The following ULBP2 variants were observed in gnomAD, a reference collection of about 807,000 sequenced individuals.
ULBP2 encodes the protein UL16-binding protein 2.
In ULBP2, 21 loss-of-function variants were observed where a neutral mutation model predicts 23.6. The ratio of observed to expected loss-of-function variants is 0.89; its 90% CI spans 0.63 to 1.28. The LOEUF is 1.28. Among genes scored for constraint, ULBP2 ranks in the 50% most tolerant of loss-of-function variants. ULBP2 has a pLI of 0.00. For synonymous variants in ULBP2, 82 were observed against 112.8 expected, an observed-to-expected ratio of 0.73 and a Z score of 1.73; for missense variants, 251 against 306.0, an observed-to-expected ratio of 0.82 and a Z score of 1.34.
In ULBP2 at chr6:149,945,365, C is replaced by G; in HGVS notation, c.142C>G (p.Arg48Gly). 5 of 1,612,452 alleles carry G rather than the reference C, an allele frequency of 3.1e-6. No homozygotes were observed. The highest frequency in any genetic ancestry group is 1.1e-5 in the South Asian group (1 of 91,006). Residue 48 changes from arginine to glycine, a missense_variant, in exon 2 of 5, where the codon CGG becomes GGG. Coordinates refer to ENST00000367351, the MANE Select transcript of ULBP2 (RefSeq NM_025217.4). ...TVIPKFRPGP[R>G]WCAVQGQVDE... ...CATCCCTAAGTTCAGACCTGGACCA[C>G]GGTGGTGTGCGGTTCAAGGCCAGGT...
chr6:149,942,331 T>G (rs1465448460), intron 1 of ULBP2, among the ~76,000 whole-genome samples, 174 bp downstream of exon 1: 1 of 152,058 alleles, frequency 6.6e-6, no homozygotes, highest in African/African-American at 2.4e-5. Context: ...TCCCCGAGGC[T>G]GCTTCTTGCC....
chr6:149,943,525 G>A (rs1444328576), intron 1 of ULBP2, among the ~76,000 whole-genome samples: 1 of 152,124 alleles, frequency 6.6e-6, no homozygotes, highest in Non-Finnish European at 1.5e-5. Context: ...TTGGTTCCCG[G>A]TGGCCCTGCT....
At chr6:149,946,321 G>C (rs1217422902) in intron 2 of ULBP2, 51 bp from the exon 3 acceptor site, 1 of 1,575,332 alleles carries the variant, frequency 6.3e-7, no homozygotes. Context: ...GAACAGGATG[G>C]GGGTGCAAAA....
chr6:149,948,131 C>G (rs1028122997), intron 4 of ULBP2, among the ~76,000 whole-genome samples: 3 of 152,202 alleles, frequency 2.0e-5, no homozygotes, highest in Admixed American at 2.0e-4. Flanking sequence ...CTCCTGCACA[C>G]CCCAGATCCT....
chr6:149,945,855 C>A (rs1163691524), intron 2 of ULBP2, among the ~76,000 whole-genome samples: 7 of 151,292 alleles, frequency 4.6e-5, no homozygotes, highest in Non-Finnish European at 8.8e-5. Flanking sequence ...GCAGGAGGAT[C>A]CCTTGAACCC....
Position 149,945,457 on chromosome 6 carries a change from G to C in ULBP2, c.234G>C (p.Gly78=), listed in dbSNP as rs761441280. The C allele has an allele frequency of 1.4e-5, 23 of 1,613,906 alleles. No homozygotes were observed. The Admixed American group carries it at 2.3e-4, about 16-fold the overall frequency. Residue 78 remains glycine, a synonymous_variant, in exon 2 of 5, where the codon GGG becomes GGC. Coordinates refer to ENST00000367351, the MANE Select transcript of ULBP2 (RefSeq NM_025217.4). ...CAGTCACACCTGTCAGTCCCCTGGGGAAGAAACTAAATGTCACAACGGCCT... is the reference window on the plus strand; with the variant it reads ...CAGTCACACCTGTCAGTCCCCTGGGCAAGAAACTAAATGTCACAACGGCCT... ...NKTVTPVSPL[G]KKLNVTTAWK... is the part of the protein sequence containing the mutation.
intron 1 of ULBP2, among the ~76,000 whole-genome samples, chr6:149,944,017 T>A (rs367806958): frequency 6.6e-6 from 1 of 151,960 alleles, no homozygotes; most frequent in Non-Finnish European, 1.5e-5. Flanking sequence ...TTTACATGTT[T>A]ACAAAATTGC....
At position 149,942,045 on chromosome 6, in the gene ULBP2, C is replaced by G. The variant is rs774195061; in HGVS notation, c.-28C>G. 25 of 1,607,484 alleles carry G rather than the reference C, an allele frequency of 1.6e-5. No individual in the cohort carries two copies. The highest frequency in any genetic ancestry group is 2.1e-5 in the Non-Finnish European group (25 of 1,176,544). ...CTTCCAGGCTCTCCTTCCATCAAGT[C>G]TCTCATCCCTAGCGCTCTGGGTCCT... On this transcript the variant is annotated 5_prime_UTR_variant, in exon 1 of 5. Transcript: ENST00000367351.
At position 149,946,256 on chromosome 6, in the gene ULBP2, T is replaced by A. The variant is rs574820567; in HGVS notation, c.350-116T>A. The A allele has an allele frequency of 7.4e-5, 98 of 1,332,342 alleles. No individual in the cohort carries two copies. In the South Asian group the frequency reaches 1.3e-3, roughly 18 times the overall value. 82.5% of individuals were successfully genotyped at this position (1,332,342 alleles called of 1,614,324 possible). On this transcript the variant is annotated intron_variant, in intron 2 of 4. Coordinates refer to ENST00000367351, the MANE Select transcript of ULBP2 (RefSeq NM_025217.4). Reference sequence around the variant, plus strand: ...GGAAGGTCATCATACCCCTCAAGAGTCTAGAGGCAAGGCCAAGATGTAGCA... The same window carrying A: ...GGAAGGTCATCATACCCCTCAAGAGACTAGAGGCAAGGCCAAGATGTAGCA...
chr6:149,944,331 CCA>C (rs1778904688), intron 1 of ULBP2, among the ~76,000 whole-genome samples: 1 of 151,702 alleles, frequency 6.6e-6, no homozygotes, highest in African/African-American at 2.4e-5. Flanking sequence ...GTTCTATGAG[CCA>C]TGGGCATAAC....
At chr6:149,947,852 A>C (rs537954324) in intron 4 of ULBP2, among the ~76,000 whole-genome samples, 62 of 151,968 alleles carry the variant, frequency 4.1e-4, no homozygotes, top group African/African-American at 1.3e-3. Context: ...GCTTTACATG[A>C]GGTGTGACAG....
intron 4 of ULBP2, among the ~76,000 whole-genome samples, chr6:149,947,997 G>A (rs1778969197): frequency 6.6e-6 from 1 of 152,246 alleles, no homozygotes; most frequent in African/African-American, 2.4e-5. Flanking sequence ...AGTGGCTTGG[G>A]TTCCAGGAAT....
intron 1 of ULBP2, among the ~76,000 whole-genome samples, chr6:149,943,458 G>A (rs62439756): frequency 0.064 from 9,814 of 152,242 alleles, 433 homozygotes; most frequent in Middle Eastern, 0.11. Flanking sequence ...AGCTGAGGGT[G>A]AGGGGGTGCA....
rs530857549 is a variant in ULBP2, at chr6:149,946,823, G to C, written c.631+170G>C. The stretch of plus-strand genomic sequence containing the variant: ...ACTGGCATGCCTGTGCTCTCCCACC[G>C]TCCTCTTCCTTCTCCCTCCTGACTC... On this transcript the variant is annotated intron_variant, in intron 3 of 4. Transcript: ENST00000367351. The C allele has an allele frequency of 2.6e-3, 3,012 of 1,146,450 alleles. 13 individuals carry two copies. The highest frequency in any genetic ancestry group is 0.021 in the African/African-American group (1,377 of 64,156). 71.0% of individuals were successfully genotyped at this position (1,146,450 alleles called of 1,614,324 possible). A position where few individuals can be genotyped will look rare whatever the true frequency, so the allele number is the denominator to read the frequency against.
At chr6:149,947,965 G>A (rs1228670590) in intron 4 of ULBP2, among the ~76,000 whole-genome samples, 138 of 152,272 alleles carry the variant, frequency 9.1e-4, no homozygotes, top group African/African-American at 3.2e-3. Context: ...AGGAGGGAGT[G>A]CAGGGCTGCC....
In ULBP2 at chr6:149,942,141, C is replaced by T. The variant is rs776739905; in HGVS notation, c.69C>T (p.Ser23=). ...TTCTGCTCCTGCTGTCCGGCTGGTCCCGGGCTGGGCGAGCCGGTGAGTTCG... is the reference window on the plus strand; with the variant it reads ...TTCTGCTCCTGCTGTCCGGCTGGTCTCGGGCTGGGCGAGCCGGTGAGTTCG... The part of the protein sequence containing the change: ...LPLLLLLSGW[S]RAGRADPHSL... Residue 23 remains serine (S), a synonymous_variant, in exon 1 of 5, where the codon TCC becomes TCT. Transcript: ENST00000367351. The T allele has an allele frequency of 6.2e-7, 1 of 1,609,272 alleles. No individual in the cohort carries two copies. Among genetic ancestry groups the T allele is most frequent in the Non-Finnish European group, 8.5e-7 (1 of 1,178,632 alleles).
chr6:149,946,203 T>A (rs1182166136), intron 2 of ULBP2, among the ~76,000 whole-genome samples, 169 bp from the exon 3 acceptor site: 1 of 105,360 alleles, frequency 9.5e-6, no homozygotes, highest in Non-Finnish European at 2.0e-5. Context: ...CGAGACCCTT[T>A]CTCAAAAAAA....
chr6:149,946,674 G>A (rs1356368288), intron 3 of ULBP2, 21 bp downstream of exon 3: 8 of 1,611,998 alleles, frequency 5.0e-6, no homozygotes, highest in South Asian at 1.1e-5. Flanking sequence ...AAAAAGAAAC[G>A]GGGATCTCAA....
In ULBP2 at chr6:149,945,459, A is replaced by G. The variant is rs1376500702; in HGVS notation, c.236A>G (p.Lys79Arg). Residue 79 changes from lysine to arginine, a missense_variant, in exon 2 of 5, where the codon AAG (lysine) becomes AGG (arginine). By Grantham distance (26) the Lys-to-Arg change is conservative (BLOSUM62 2). Coordinates refer to ENST00000367351, the MANE Select transcript of ULBP2 (RefSeq NM_025217.4). Reference sequence around the variant, plus strand: ...GTCACACCTGTCAGTCCCCTGGGGAAGAAACTAAATGTCACAACGGCCTGG... The same window carrying G: ...GTCACACCTGTCAGTCCCCTGGGGAGGAAACTAAATGTCACAACGGCCTGG... ...KTVTPVSPLG[K>R]KLNVTTAWKA... The G allele has an allele frequency of 9.3e-6, 15 of 1,614,048 alleles. No individual in the cohort carries two copies. Among genetic ancestry groups the G allele is most frequent in the Non-Finnish European group, 1.2e-5 (14 of 1,179,888 alleles).
Sources: allele counts gnomAD v4.1 joint callset (sites outside exome capture counted in the v4.1 genomes callset), GRCh38; gene constraint gnomAD v4.1.1; transcripts MANE v1.5; gene names NCBI Gene and HGNC (gene_info 2026-07-23, HGNC 2026-07-21).